JCAD: variants seen among roughly 807,000 people sequenced by gnomAD.
JCAD encodes junctional cadherin 5 associated.
Under a neutral mutation model 98.0 loss-of-function variants are expected in JCAD, and 40 were observed. The ratio of observed to expected loss-of-function variants is 0.41; its 90% CI spans 0.32 to 0.53. JCAD has a LOEUF of 0.53. JCAD is among the 20% of genes least tolerant of loss of function. The pLI is 0.31. For missense variants in JCAD, 1,705 were observed against 1,738.1 expected, an observed-to-expected ratio of 0.98 and a Z score of 0.34; for synonymous variants, 691 against 682.3, an observed-to-expected ratio of 1.01 and a Z score of -0.20.
chr10:30,114,720 A>G (rs951462243), intron 1 of JCAD, among the ~76,000 whole-genome samples: 6 of 152,106 alleles, frequency 3.9e-5, no homozygotes, highest in African/African-American at 1.4e-4. Context: ...ATTTTGCGCT[A>G]GATTTAAGAC....
chr10:30,079,997 C>T (rs958118240), intron 1 of JCAD, among the ~76,000 whole-genome samples: 2 of 152,150 alleles, frequency 1.3e-5, no homozygotes, highest in Non-Finnish European at 2.9e-5. Context: ...CTATATAAGT[C>T]TCTTGGCAGA....
At chr10:30,099,126 A>C (rs12219780) in intron 1 of JCAD, among the ~76,000 whole-genome samples, 40,485 of 152,126 alleles carry the variant, frequency 0.27, 5,720 homozygotes, top group East Asian at 0.33. Context: ...TCTATTTCTT[A>C]TTCTCTTTTA....
chr10:30,020,326 C>CAAAAAAAAAAAA (rs59762991), intron 3 of JCAD, among the ~76,000 whole-genome samples: 41 of 82,954 alleles, frequency 4.9e-4, no homozygotes, highest in Admixed American at 7.1e-4. Flanking sequence ...GACTCGGTCT[C>CAAAAAAAAAAAA]AAAAAAAAAA....
intron 1 of JCAD, among the ~76,000 whole-genome samples, chr10:30,100,837 G>T (rs1838459637): frequency 6.6e-6 from 1 of 152,146 alleles, no homozygotes; most frequent in Non-Finnish European, 1.5e-5. Context: ...GGTGCAGCTT[G>T]GTTTTATACA....
Position 30,059,012 on chromosome 10 carries a change from G to A in JCAD, c.-60+470C>T, listed in dbSNP as rs968118950. ...GGGACCTCGGGGACCCAGCGCGGCG[G>A]CTGTCAGCTCTGGGGTGAGGTCCGC... On this transcript the variant is annotated intron_variant, in intron 1 of 3. Coordinates refer to ENST00000375377, the MANE Select transcript of JCAD (RefSeq NM_020848.4). This position sits in a 1 kb window ranked among gnomAD's most constrained non-coding sequence, Gnocchi z 5.0. 1.3e-5 allele frequency among the ~76,000 whole-genome samples: 2 copies of A among 152,118 alleles called. No homozygotes were observed. The highest frequency in any genetic ancestry group is 4.8e-5 in the African/African-American group (2 of 41,438).
At chr10:30,099,497 G>A (rs79737124) in intron 1 of JCAD, among the ~76,000 whole-genome samples, 2,030 of 151,924 alleles carry the variant, frequency 0.013, 28 homozygotes, top group Non-Finnish European at 0.021. Context: ...TGTTTGTGAA[G>A]CACTTATTAT....
At chr10:30,040,206 C>A (rs1837212964) in intron 2 of JCAD, among the ~76,000 whole-genome samples, 1 of 152,196 alleles carries the variant, frequency 6.6e-6, no homozygotes, top group East Asian at 1.9e-4. Flanking sequence ...TGACTGTCAT[C>A]ACAAGACGCT....
At chr10:30,074,556 C>T (rs966956679) in intron 1 of JCAD, among the ~76,000 whole-genome samples, 4 of 152,206 alleles carry the variant, frequency 2.6e-5, no homozygotes, top group African/African-American at 7.2e-5. Flanking sequence ...CAGCTGCCAG[C>T]GATCCCCTCA....
intron 2 of JCAD, among the ~76,000 whole-genome samples, chr10:30,037,764 T>C (rs1217064702): frequency 6.6e-6 from 1 of 151,996 alleles, no homozygotes; most frequent in Non-Finnish European, 1.5e-5. Context: ...TCAAAGGCAC[T>C]TGAGTTATCA....
intron 1 of JCAD, among the ~76,000 whole-genome samples, chr10:30,091,102 A>G (rs993887389): frequency 6.6e-6 from 1 of 152,260 alleles, no homozygotes; most frequent in Non-Finnish European, 1.5e-5. Context: ...ACCGACTGGT[A>G]CGTTTATGAG....
At chr10:30,020,219 C>T (rs573979739) in intron 3 of JCAD, among the ~76,000 whole-genome samples, 24 of 147,682 alleles carry the variant, frequency 1.6e-4, no homozygotes, top group East Asian at 8.2e-4. Flanking sequence ...TCTAGCTACT[C>T]GGGAGGCTGA....
At chr10:30,022,851 T>C (rs1836693062) in intron 3 of JCAD, among the ~76,000 whole-genome samples, 2 of 152,126 alleles carry the variant, frequency 1.3e-5, no homozygotes, top group African/African-American at 4.8e-5. Flanking sequence ...GTAGCCTAAG[T>C]GTACAGGGTT....
intron 1 of JCAD, among the ~76,000 whole-genome samples, chr10:30,109,820 A>G (rs981535698): frequency 1.3e-4 from 19 of 151,886 alleles, no homozygotes; most frequent in African/African-American, 4.6e-4. Flanking sequence ...TGATGTATGA[A>G]CCACCTGATG....
chr10:30,021,222 AG>A (rs2132603628), intron 3 of JCAD, among the ~76,000 whole-genome samples: 1 of 152,310 alleles, frequency 6.6e-6, no homozygotes, highest in Admixed American at 6.5e-5. Context: ...TTTTAGAGAC[AG>A]GGTCTCACTC....
At chr10:30,060,669 C>T (rs138292131), upstream of JCAD, among the ~76,000 whole-genome samples, 670 of 152,236 alleles carry the variant, frequency 4.4e-3, 7 homozygotes, top group South Asian at 0.047. Context: ...TATTTGCTGT[C>T]GAAACACCAA....
chr10:30,081,753 G>A (rs959697640), intron 1 of JCAD, among the ~76,000 whole-genome samples: 2 of 152,078 alleles, frequency 1.3e-5, no homozygotes, highest in Non-Finnish European at 2.9e-5. Flanking sequence ...AGATTTGAAT[G>A]CTAGCACGTA....
intron 1 of JCAD, among the ~76,000 whole-genome samples, chr10:30,070,815 G>A (rs1298688202): frequency 6.6e-6 from 1 of 152,194 alleles, no homozygotes; most frequent in Non-Finnish European, 1.5e-5. Flanking sequence ...TTTTCCAGGG[G>A]CCTGTTTATC....
At chr10:30,043,232 GT>G (rs765352403) in intron 2 of JCAD, among the ~76,000 whole-genome samples, 1 of 151,902 alleles carries the variant, frequency 6.6e-6, no homozygotes, top group Non-Finnish European at 1.5e-5. Context: ...TAGGAAACAA[GT>G]GTCCTGTATG....
At chr10:30,102,733 C>CACTG (rs1385954662) in intron 1 of JCAD, among the ~76,000 whole-genome samples, 12 of 152,194 alleles carry the variant, frequency 7.9e-5, no homozygotes, top group Non-Finnish European at 1.6e-4. Flanking sequence ...TTTGTTCTCA[C>CACTG]ACTGCTAATA....
Sources: allele counts gnomAD v4.1 joint callset (sites outside exome capture counted in the v4.1 genomes callset), GRCh38; gene constraint gnomAD v4.1.1; non-coding constraint Gnocchi (gnomAD v3.1); transcripts MANE v1.5; gene names NCBI Gene and HGNC (gene_info 2026-07-23, HGNC 2026-07-21).